PLK5: variants seen among roughly 807,000 people sequenced by gnomAD.
The protein encoded by PLK5 is inactive serine/threonine-protein kinase PLK5.
Under a neutral mutation model 33.7 loss-of-function variants are expected in PLK5, and 28 were observed. The observed-to-expected ratio is 0.83, with a 90% CI of 0.62 to 1.14. PLK5 has a LOEUF of 1.14. Ranked by LOEUF, PLK5 falls within the 50% of genes most tolerant of loss-of-function variation. PLK5 has a pLI of 0.00. For synonymous variants in PLK5, 225 were observed against 202.2 expected (o/e 1.11, Z -0.96); for missense variants, 492 against 461.5 (o/e 1.07, Z -0.61).
intron 13 of PLK5, among the ~76,000 whole-genome samples, chr19:1,534,506 CAA>C (rs34568711): frequency 0.18 from 15,641 of 86,502 alleles, 1,669 homozygotes; most frequent in African/African-American, 0.4. Context: ...GACTTCGTCT[CAA>C]AAAAAAAAAA....
chr19:1,534,053 G>T lies in PLK5; in HGVS notation c.825+12G>T. 1 of 1,533,150 alleles carries T rather than the reference G, an allele frequency of 6.5e-7. No individual in the cohort carries two copies. The highest frequency in any genetic ancestry group is 1.2e-5 in the South Asian group (1 of 83,944). The allele number at this position is 1,533,150 out of a possible 1,614,324, so 95.0% of individuals were successfully genotyped here. A position where few individuals can be genotyped will look rare whatever the true frequency, so the allele number is the denominator to read the frequency against. The stretch of plus-strand genomic sequence containing the variant: ...ATGGGATGGTGCAGGTGAGCCCGGG[G>T]CTCAAACTCGGGGCACTGGGGCTCG... On this transcript the variant is annotated intron_variant, in intron 13 of 13. Coordinates refer to ENST00000454744, the MANE Select transcript of PLK5 (RefSeq NM_001243079.2).
chr19:1,526,786 C>A lies in PLK5; in HGVS notation c.-100C>A. On this transcript the variant is annotated 5_prime_UTR_variant, in exon 5 of 14. The change creates a premature stop within an existing upstream ORF in the 5' untranslated region. Coordinates refer to ENST00000454744, the MANE Select transcript of PLK5 (RefSeq NM_001243079.2). ...CCAAGGTGGGGCCAGGGGGCCGCTG[C>A]CACAGGTGAGAGCCGGGGGGAGGGC... The A allele has an allele frequency of 1.6e-6, 1 of 611,674 alleles. No individual in the cohort carries two copies. The highest frequency in any genetic ancestry group is 3.5e-4 in the Middle Eastern group (1 of 2,896). The allele number at this position is 611,674 out of a possible 1,614,324, so 37.9% of individuals were successfully genotyped here. A position where few individuals can be genotyped will look rare whatever the true frequency, so the allele number is the denominator to read the frequency against.
At chr19:1,533,832 G>A (rs886771466) in intron 12 of PLK5, 99 bp from the exon 13 acceptor site, 48 of 942,752 alleles carry the variant, frequency 5.1e-5, no homozygotes, top group East Asian at 3.9e-4. Flanking sequence ...GGCTGCCTGC[G>A]GCGGCGGCTG....
chr19:1,533,034 C>G (rs1913978534), intron 12 of PLK5, among the ~76,000 whole-genome samples: 1 of 151,532 alleles, frequency 6.6e-6, no homozygotes. Context: ...ACTTGGATGG[C>G]TGAGGTGGGA....
At chr19:1,535,011 G>A in intron 13 of PLK5, 54 bp from the exon 14 acceptor site, 3 of 1,417,788 alleles carry the variant, frequency 2.1e-6, no homozygotes, top group South Asian at 1.4e-5. Flanking sequence ...GCCACGGCTG[G>A]AGGCAGGTGC....
rs1411250564 is a variant in PLK5 at position 1,525,640 on chromosome 19, A to T, written c.-384A>T. 6.6e-6 allele frequency: 1 copy of T among 152,658 alleles called. No homozygotes were observed. The highest frequency in any genetic ancestry group is 1.5e-5 in the Non-Finnish European group (1 of 68,046). The allele number at this position is 152,658 out of a possible 1,614,324, so 9.5% of individuals were successfully genotyped here. A position where few individuals can be genotyped will look rare whatever the true frequency, so the allele number is the denominator to read the frequency against. ...GCATAGCCGCCTGCGACCCCGCAACATCGTGGCTTTCCACGGACACTTTGC... is the reference window on the plus strand; with the variant it reads ...GCATAGCCGCCTGCGACCCCGCAACTTCGTGGCTTTCCACGGACACTTTGC... On this transcript the variant is annotated 5_prime_UTR_variant, in exon 3 of 14. Coordinates refer to ENST00000454744, the MANE Select transcript of PLK5 (RefSeq NM_001243079.2).
At position 1,535,420 on chromosome 19, in the gene PLK5, C is replaced by A; in HGVS notation, c.*170C>A. 1.5e-6 allele frequency: 1 copy of A among 656,670 alleles called. No individual in the cohort carries two copies. Among genetic ancestry groups the A allele is most frequent in the Non-Finnish European group, 2.4e-6 (1 of 417,012 alleles). 40.7% of individuals were successfully genotyped at this position (656,670 alleles called of 1,614,324 possible). On this transcript the variant is annotated 3_prime_UTR_variant, in exon 14 of 14. Coordinates refer to ENST00000454744, the MANE Select transcript of PLK5 (RefSeq NM_001243079.2). ...TGTTCAACCCAGACTTTGCTGGGAT[C>A]TCTTCCTTTTTCATTAAAGACAATT...
chr19:1,525,193 G>C (rs1373707214), intron 1 of PLK5, 112 bp from the exon 2 acceptor site: 1 of 153,086 alleles, frequency 6.5e-6, no homozygotes, highest in Non-Finnish European at 1.5e-5. Context: ...CGGTGTGTGT[G>C]TGGAGAGACC....
Position 1,529,744 on chromosome 19 carries a change from C to G in PLK5, c.491-3C>G, listed in dbSNP as rs1913871565. On this transcript the variant is annotated splice_region_variant and splice_polypyrimidine_tract_variant and intron_variant, in intron 10 of 13. Transcript: ENST00000454744. ...TCTGCGGCACAAAGACCTGTCTTCC[C>G]AGGGCCCGAGGGGAGCCGGCGGCCA... 1 of 1,535,918 alleles carries G rather than the reference C, an allele frequency of 6.5e-7. No individual in the cohort carries two copies. Among genetic ancestry groups the G allele is most frequent in the African/African-American group, 1.4e-5 (1 of 73,018 alleles).
At position 1,526,521 on chromosome 19, in the gene PLK5, G is replaced by C. The variant is rs1271805284; in HGVS notation, c.-277G>C. 1.1e-5 allele frequency: 3 copies of C among 281,270 alleles called. No homozygotes were observed. Among genetic ancestry groups the C allele is most frequent in the African/African-American group, 2.3e-5 (1 of 43,142 alleles). The allele number at this position is 281,270 out of a possible 1,614,324, so 17.4% of individuals were successfully genotyped here. ...ACGTGCTGAGGGCGCGGCAGATCCTGACGGAGCCAGAAGTGCGCGACTACC... is the reference window on the plus strand; with the variant it reads ...ACGTGCTGAGGGCGCGGCAGATCCTCACGGAGCCAGAAGTGCGCGACTACC... On this transcript the variant is annotated 5_prime_UTR_variant, in exon 4 of 14. Transcript: ENST00000454744.
At chr19:1,528,464 T>G in intron 8 of PLK5, 36 bp downstream of exon 8, 8 of 1,287,476 alleles carry the variant, frequency 6.2e-6, no homozygotes, top group African/African-American at 2.0e-5. Context: ...GCCCAACACC[T>G]GCCCACGCCT....
intron 12 of PLK5, among the ~76,000 whole-genome samples, chr19:1,532,881 T>C (rs969530788): frequency 4.0e-5 from 6 of 151,328 alleles, no homozygotes; most frequent in African/African-American, 1.5e-4. Flanking sequence ...TTAGCCAGGA[T>C]GGTCTCGATC....
intron 13 of PLK5, among the ~76,000 whole-genome samples, chr19:1,534,593 C>G (rs1009394239): frequency 6.1e-5 from 9 of 146,366 alleles, no homozygotes; most frequent in African/African-American, 2.3e-4. Context: ...ATCACGAGGT[C>G]AGGAGATAGA....
chr19:1,533,139 T>G (rs1215976635), intron 12 of PLK5, among the ~76,000 whole-genome samples: 1 of 152,064 alleles, frequency 6.6e-6, no homozygotes, highest in Non-Finnish European at 1.5e-5. Context: ...TGTCTCTTTT[T>G]TTTGAGACGG....
chr19:1,533,869 T>A, intron 12 of PLK5, 62 bp from the exon 13 acceptor site: 1 of 745,962 alleles, frequency 1.3e-6, no homozygotes, highest in South Asian at 3.0e-5. Flanking sequence ...GGGTGCTGGG[T>A]GTGGGGGCGA....
rs1248909917 is a variant in PLK5 at position 1,524,614 on chromosome 19, T to C, written c.-544+368T>C. Reference sequence around the variant, plus strand: ...TGTGCGGTGTTCGTGTGTGTGTGTGTGTGTGTGTGTGTGTGTGTCTGGGTG... The same window carrying C: ...TGTGCGGTGTTCGTGTGTGTGTGTGCGTGTGTGTGTGTGTGTGTCTGGGTG... On this transcript the variant is annotated intron_variant, in intron 1 of 13. Transcript: ENST00000454744. The surrounding 1 kb of genome is among the most constrained non-coding windows in gnomAD (Gnocchi z 4.5). Among the ~76,000 whole-genome samples, 5 of 36,038 alleles carry C rather than the reference T, an allele frequency of 1.4e-4. No homozygotes were observed. The East Asian group carries it at 4.4e-3, about 32-fold the overall frequency. The allele number at this position is 36,038 out of a possible 152,430, so 23.6% of individuals were successfully genotyped here. A position where few individuals can be genotyped will look rare whatever the true frequency, so the allele number is the denominator to read the frequency against.
At chr19:1,528,849 A>C (rs1190802514) in intron 8 of PLK5, 49 bp from the exon 9 acceptor site, 2 of 1,383,952 alleles carry the variant, frequency 1.4e-6, no homozygotes, top group Admixed American at 2.9e-5. Context: ...CCCTACCCCC[A>C]GCTTGGGGCC....
chr19:1,524,600 C>CGTGTGT lies in PLK5; in HGVS notation c.-544+381_-544+386dup, dbSNP rs57882577. Among the ~76,000 whole-genome samples, 21 of 150,030 alleles carry CGTGTGT rather than the reference C, an allele frequency of 1.4e-4. No individual in the cohort carries two copies. The highest frequency in any genetic ancestry group is 3.7e-4 in the African/African-American group (15 of 40,838). On this transcript the variant is annotated intron_variant, in intron 1 of 13. Transcript: ENST00000454744. The surrounding 1 kb of genome is among the most constrained non-coding windows in gnomAD (Gnocchi z 4.5). ...AAGTGTCTGGGTGCTGTGCGGTGTT[C>CGTGTGT]GTGTGTGTGTGTGTGTGTGTGTGTG... is the stretch of plus-strand genomic sequence containing the variant.
rs2145537525 is a variant in PLK5 at position 1,524,877 on chromosome 19, ATT to A, written c.-543-427_-543-426del. The A allele has an allele frequency of 6.6e-6, 1 of 150,752 alleles. No individual in the cohort carries two copies. The highest frequency in any genetic ancestry group is 2.1e-4 in the South Asian group (1 of 4,798). 9.3% of individuals were successfully genotyped at this position (150,752 alleles called of 1,614,324 possible). On this transcript the variant is annotated intron_variant, in intron 1 of 13. Coordinates refer to ENST00000454744, the MANE Select transcript of PLK5 (RefSeq NM_001243079.2). The surrounding 1 kb of genome is among the most constrained non-coding windows in gnomAD (Gnocchi z 4.5). ...GTGTGTTCCTGTGCTGTGTCTGGGT[ATT>A]GTGTTGTGTGTCCACACGTGGTGAC...
Sources: allele counts gnomAD v4.1 joint callset (sites outside exome capture counted in the v4.1 genomes callset), GRCh38; gene constraint gnomAD v4.1.1; non-coding constraint Gnocchi (gnomAD v3.1); transcripts MANE v1.5; gene names NCBI Gene and HGNC (gene_info 2026-07-23, HGNC 2026-07-21).